Variants in CAMTA1 observed in about 807,000 individuals in gnomAD.
CAMTA1 encodes calmodulin-binding transcription activator 1.
CAMTA1 carries 27 observed loss-of-function variants against 170.9 expected under a neutral mutation model. The ratio of observed to expected loss-of-function variants is 0.16; its 90% confidence interval spans 0.12 to 0.22. The LOEUF is 0.22. Ranked by LOEUF, CAMTA1 falls within the 10% of genes least tolerant of loss-of-function variation. CAMTA1 has a pLI of 1.00. For missense variants in CAMTA1, 1,619 were observed against 2,217.2 expected, an observed-to-expected ratio of 0.73 and a Z score of 5.42; for synonymous variants, 833 against 891.5, an observed-to-expected ratio of 0.93 and a Z score of 1.17.
chr1:7,119,943 C>A (rs1405723750), intron 4 of CAMTA1, among the ~76,000 whole-genome samples: 2 of 152,136 alleles, frequency 1.3e-5, no homozygotes, highest in Non-Finnish European at 2.9e-5. Flanking sequence ...TAGGGCTGAA[C>A]TCCCCCAAGG....
At chr1:7,750,323 C>T (rs2150150634) in intron 19 of CAMTA1, among the ~76,000 whole-genome samples, 1 of 152,354 alleles carries the variant, frequency 6.6e-6, no homozygotes, top group Middle Eastern at 3.4e-3. Context: ...TACAGTTAGG[C>T]AGATACAGGG....
intron 6 of CAMTA1, among the ~76,000 whole-genome samples, chr1:7,555,824 T>C (rs1029810451): frequency 1.3e-5 from 2 of 152,160 alleles, no homozygotes; most frequent in South Asian, 4.1e-4. Context: ...CCACCTGTTC[T>C]CCTAAATGCC....
chr1:7,434,295 G>T (rs1331483016), intron 5 of CAMTA1, among the ~76,000 whole-genome samples: 1 of 152,202 alleles, frequency 6.6e-6, no homozygotes, highest in Non-Finnish European at 1.5e-5. Flanking sequence ...GAGCCACGGG[G>T]AGCATGGCAG....
chr1:7,579,246 G>C (rs1174456865), intron 6 of CAMTA1, among the ~76,000 whole-genome samples: 1 of 152,262 alleles, frequency 6.6e-6, no homozygotes, highest in Non-Finnish European at 1.5e-5. Context: ...TGGACACTTT[G>C]ACCATTGCAT....
intron 3 of CAMTA1, among the ~76,000 whole-genome samples, chr1:7,025,457 A>G (rs1433920552): frequency 6.6e-6 from 1 of 152,112 alleles, no homozygotes; most frequent in Non-Finnish European, 1.5e-5. Flanking sequence ...GAGACCACCT[A>G]TTTCTGGGGT....
At chr1:7,739,608 G>A (rs2096796221) in intron 16 of CAMTA1, among the ~76,000 whole-genome samples, 1 of 152,200 alleles carries the variant, frequency 6.6e-6, no homozygotes, top group Non-Finnish European at 1.5e-5. Flanking sequence ...GAAGGCGAAA[G>A]TCACATCTTA....
At chr1:6,920,585 C>T (rs898938417) in intron 3 of CAMTA1, among the ~76,000 whole-genome samples, 7 of 152,246 alleles carry the variant, frequency 4.6e-5, no homozygotes, top group Admixed American at 3.9e-4. Context: ...TTCCCTTCCA[C>T]ACTGCCCTAG....
chr1:7,197,682 T>C (rs1655824146), intron 4 of CAMTA1, among the ~76,000 whole-genome samples: 2 of 114,206 alleles, frequency 1.8e-5, no homozygotes, highest in African/African-American at 5.8e-5. Context: ...ACACACAATC[T>C]ACTTGCTTAT....
At chr1:7,001,061 T>A (rs1212613549) in intron 3 of CAMTA1, among the ~76,000 whole-genome samples, 1 of 152,248 alleles carries the variant, frequency 6.6e-6, no homozygotes, top group Non-Finnish European at 1.5e-5. Flanking sequence ...TCTTTAGTTT[T>A]AAGGCCATGA....
At chr1:6,851,088 A>T (rs1050115445) in intron 3 of CAMTA1, among the ~76,000 whole-genome samples, 1 of 152,206 alleles carries the variant, frequency 6.6e-6, no homozygotes, top group African/African-American at 2.4e-5. Flanking sequence ...ATTTAAGACA[A>T]TGTTACTGAA....
rs12041336 is a variant in CAMTA1 at position 7,206,469 on chromosome 1, G to A, written c.303-43022G>A. Among the ~76,000 whole-genome samples, 311 of 152,250 alleles carry A rather than the reference G, an allele frequency of 2.0e-3. 6 individuals carry two copies. In the East Asian group the frequency reaches 0.046, roughly 23 times the overall value. ...TTGTAGTACTGATTTCTGAGTGCCAGTTTTATATTCTGCTAGTTTACTGAA... is the reference window on the plus strand; with the variant it reads ...TTGTAGTACTGATTTCTGAGTGCCAATTTTATATTCTGCTAGTTTACTGAA... On this transcript the variant is annotated intron_variant, in intron 4 of 22. Coordinates refer to ENST00000303635, the MANE Select transcript of CAMTA1 (RefSeq NM_015215.4).
intron 1 of CAMTA1, among the ~76,000 whole-genome samples, chr1:6,815,426 ACTCCTGGG>A (rs2148398065): frequency 6.6e-6 from 1 of 152,248 alleles, no homozygotes; most frequent in South Asian, 2.1e-4. Context: ...CTGGTATTGA[ACTCCTGGG>A]CTTAAGCAGT....
At chr1:7,101,993 A>T (rs973128179) in intron 4 of CAMTA1, among the ~76,000 whole-genome samples, 1 of 151,882 alleles carries the variant, frequency 6.6e-6, no homozygotes, top group Admixed American at 6.6e-5. Context: ...ACATACATAT[A>T]CATACATGTA....
At chr1:7,253,199 A>G (rs529381149) in intron 5 of CAMTA1, among the ~76,000 whole-genome samples, 35 of 152,278 alleles carry the variant, frequency 2.3e-4, no homozygotes, top group African/African-American at 7.9e-4. Context: ...TTGGTGCCTG[A>G]CAGTGTGGAG....
At chr1:7,254,717 A>G (rs1042626746) in intron 5 of CAMTA1, among the ~76,000 whole-genome samples, 2 of 152,242 alleles carry the variant, frequency 1.3e-5, no homozygotes, top group Non-Finnish European at 2.9e-5. Context: ...TAGTTACTGC[A>G]TTAGGAATTA....
At chr1:7,464,547 C>G (rs927009860) in intron 5 of CAMTA1, among the ~76,000 whole-genome samples, 1 of 152,136 alleles carries the variant, frequency 6.6e-6, no homozygotes, top group Non-Finnish European at 1.5e-5. Context: ...GTGGTAGCAG[C>G]TAGAGCCTGG....
intron 1 of CAMTA1, among the ~76,000 whole-genome samples, chr1:6,791,698 C>G (rs1318677319): frequency 6.6e-6 from 1 of 152,170 alleles, no homozygotes; most frequent in Non-Finnish European, 1.5e-5. Context: ...GCTACTTTGT[C>G]TGTGTAACTT....
At chr1:7,229,875 C>A (rs1313645360) in intron 4 of CAMTA1, among the ~76,000 whole-genome samples, 1 of 152,150 alleles carries the variant, frequency 6.6e-6, no homozygotes, top group Non-Finnish European at 1.5e-5. Flanking sequence ...CCCCCGGCTC[C>A]CCGATGACCA....
Position 7,738,282 on chromosome 1 carries a change from A to C in CAMTA1, c.3982A>C (p.Ile1328Leu). Reference protein sequence around the residue: ...VGKWNSKDLYIGVSTVQVTGN... With the variant: ...VGKWNSKDLYLGVSTVQVTGN... Reference sequence around the variant, plus strand: ...AAAGTGGAATTCCAAAGATCTTTACATTGGTGTGTCTACAGTACAGGTGAC... The same window carrying C: ...AAAGTGGAATTCCAAAGATCTTTACCTTGGTGTGTCTACAGTACAGGTGAC... Residue 1328 changes from isoleucine to leucine, a missense_variant, in exon 16 of 23, where the codon ATT becomes CTT. Ile to Leu is a conservative substitution (Grantham distance 5, BLOSUM62 2). Coordinates refer to ENST00000303635, the MANE Select transcript of CAMTA1 (RefSeq NM_015215.4). The surrounding 1 kb of genome is among the most constrained non-coding windows in gnomAD (Gnocchi z 4.9). The C allele has an allele frequency of 6.2e-7, 1 of 1,614,112 alleles. No homozygotes were observed. The highest frequency in any genetic ancestry group is 8.5e-7 in the Non-Finnish European group (1 of 1,180,020).
Sources: gnomAD v4.1 joint callset for allele counts (sites outside exome capture counted in the v4.1 genomes callset) on GRCh38, gnomAD v4.1.1 for gene constraint, Gnocchi (gnomAD v3.1) non-coding constraint, MANE v1.5 for transcripts, NCBI Gene and HGNC (gene_info 2026-07-23, HGNC 2026-07-21) for gene names.